TTC3: variants seen among roughly 807,000 people sequenced by gnomAD.
The protein encoded by TTC3 is tetratricopeptide repeat domain 3.
A neutral mutation model predicts 249.6 loss-of-function variants in TTC3; 180 were observed. The observed-to-expected ratio is 0.72, with a 90% CI of 0.64 to 0.82. TTC3 has a LOEUF of 0.82. Ranked by LOEUF, TTC3 falls within the 40% of genes least tolerant of loss-of-function variation. The probability of loss-of-function intolerance (pLI) is 0.00; values close to 1 mark genes in which losing one functional copy is unlikely to be tolerated. For missense variants in TTC3, 2,061 were observed against 2,398.4 expected (o/e 0.86, Z 2.94); for synonymous variants, 717 against 805.0 (o/e 0.89, Z 1.85).
intron 20 of TTC3, among the ~76,000 whole-genome samples, chr21:37,141,884 A>T (rs1246742622): frequency 6.6e-6 from 1 of 152,224 alleles, no homozygotes; most frequent in Non-Finnish European, 1.5e-5. Flanking sequence ...CCAGCAGCAC[A>T]TCAAAAAGCT....
chr21:37,074,740 C>A (rs4817843), intron 1 of TTC3, among the ~76,000 whole-genome samples: 69,107 of 151,860 alleles, frequency 0.46, 16,240 homozygotes, highest in Non-Finnish European at 0.52. Flanking sequence ...CTTCAAACCC[C>A]TTAGAGACCC....
intron 41 of TTC3, among the ~76,000 whole-genome samples, chr21:37,194,146 A>T (rs1390490280): frequency 6.6e-6 from 1 of 152,238 alleles, no homozygotes; most frequent in Non-Finnish European, 1.5e-5. Context: ...TAGCTTCATT[A>T]GACCAGACAG....
chr21:37,080,690 T>A (rs1199707344), intron 1 of TTC3, among the ~76,000 whole-genome samples: 1 of 152,188 alleles, frequency 6.6e-6, no homozygotes, highest in Non-Finnish European at 1.5e-5. Flanking sequence ...GGCTCGAACC[T>A]TTACTATATT....
intron 24 of TTC3, 143 bp from the exon 25 acceptor site, chr21:37,150,677 C>G (rs1043063035): frequency 1.6e-6 from 1 of 642,478 alleles, no homozygotes; most frequent in South Asian, 1.9e-5. Flanking sequence ...GCTTTCTGGG[C>G]TTTTGTCTGG....
chr21:37,124,766 T>G, intron 14 of TTC3, 24 bp downstream of exon 14: 1 of 1,586,540 alleles, frequency 6.3e-7, no homozygotes, highest in Non-Finnish European at 8.5e-7. Context: ...AAAACTACAG[T>G]TTTTTTCAAG....
chr21:37,138,526 C>T (rs1032367785), intron 18 of TTC3, 108 bp from the exon 19 acceptor site: 4 of 670,106 alleles, frequency 6.0e-6, no homozygotes, highest in South Asian at 4.6e-5. Flanking sequence ...ATCATTGATT[C>T]GTAAGATTGA....
At chr21:37,094,355 T>G (rs539644142) in intron 8 of TTC3, among the ~76,000 whole-genome samples, 1 of 152,336 alleles carries the variant, frequency 6.6e-6, no homozygotes, top group Admixed American at 6.5e-5. Context: ...GTAATTCATG[T>G]GCTACACTGT....
intron 1 of TTC3, chr21:37,083,499 A>C (rs2071989169): frequency 2.9e-6 from 2 of 678,490 alleles, no homozygotes; most frequent in Non-Finnish European, 1.8e-6. Flanking sequence ...CTGGGCATGA[A>C]GAAGTATATG....
intron 11 of TTC3, among the ~76,000 whole-genome samples, chr21:37,114,321 T>A (rs930540219): frequency 1.1e-4 from 16 of 151,758 alleles, no homozygotes; most frequent in East Asian, 5.8e-4. Context: ...GAATCTACAA[T>A]GAACTCAAAC....
Position 37,197,533 on chromosome 21 carries a change from CTT to C in TTC3, c.5580-35_5580-34del, listed in dbSNP as rs762099877. On this transcript the variant is annotated intron_variant, in intron 42 of 45. Transcript: ENST00000355666. ...TGTAATATTTCTTAGCAGTAGAGAA[CTT>C]TCTGTTGTCATTCATCACTCACTCT... 3 of 1,611,232 alleles carry C rather than the reference CTT, an allele frequency of 1.9e-6. No individual in the cohort carries two copies. In the East Asian group the frequency reaches 6.7e-5, roughly 36 times the overall value.
chr21:37,195,770 C>G, exon 42 of TTC3: 1 of 1,614,214 alleles, frequency 6.2e-7, no homozygotes, highest in Non-Finnish European at 8.5e-7. Flanking sequence ...CAGCACTTCA[C>G]AGGGATCCTA....
chr21:37,101,918 T>TTATATATA (rs61552508), intron 10 of TTC3, among the ~76,000 whole-genome samples: 1 of 147,392 alleles, frequency 6.8e-6, no homozygotes, highest in African/African-American at 2.5e-5. Context: ...AGTATATAGT[T>TTATATATA]TATATATATA....
intron 40 of TTC3, among the ~76,000 whole-genome samples, chr21:37,191,745 A>ATTTTGT (rs1389663282): frequency 1.3e-5 from 2 of 151,996 alleles, no homozygotes; most frequent in Non-Finnish European, 2.9e-5. Context: ...TGCTCGGCTA[A>ATTTTGT]TTTTGTTTTT....
chr21:37,201,532 G>T, exon 46 of TTC3: 2 of 1,614,008 alleles, frequency 1.2e-6, no homozygotes, highest in Non-Finnish European at 8.5e-7. Context: ...GAAGAGGCTG[G>T]CCCAGTCAGA....
intron 16 of TTC3, among the ~76,000 whole-genome samples, chr21:37,131,448 C>A (rs1315023406): frequency 1.3e-5 from 2 of 152,194 alleles, no homozygotes; most frequent in South Asian, 2.1e-4. Flanking sequence ...GAGAAAGTGG[C>A]ATGCCCAAGG....
intron 1 of TTC3, chr21:37,082,485 T>C: frequency 2.0e-6 from 2 of 985,414 alleles, no homozygotes; most frequent in Non-Finnish European, 2.4e-6. Context: ...TTCTATCAGC[T>C]TTGTCTGGGA....
At chr21:37,165,068 A>G (rs1178498157) in intron 32 of TTC3, among the ~76,000 whole-genome samples, 1 of 152,210 alleles carries the variant, frequency 6.6e-6, no homozygotes, top group Non-Finnish European at 1.5e-5. Flanking sequence ...TTATACTATT[A>G]TTTCTTAAAG....
At position 37,105,207 on chromosome 21, in the gene TTC3, C is replaced by T. The variant is rs117688535; in HGVS notation, c.846-3185C>T. Among the ~76,000 whole-genome samples the T allele has an allele frequency of 4.3e-3, 657 of 152,166 alleles. 2 individuals carry two copies. Among genetic ancestry groups the T allele is most frequent in the Non-Finnish European group, 6.6e-3 (447 of 68,014 alleles). On this transcript the variant is annotated intron_variant, in intron 10 of 45. Transcript: ENST00000355666. ...TGTCAGTGGGAAGCTTGAAACATGC[C>T]AATTAGATGGGGTTGAGAAATGCAA...
intron 11 of TTC3, among the ~76,000 whole-genome samples, chr21:37,111,668 G>A (rs558793872): frequency 6.6e-6 from 1 of 152,238 alleles, no homozygotes; most frequent in East Asian, 1.9e-4. Context: ...AGGATATCCA[G>A]GAATTGAACT....
Sources: gnomAD v4.1 joint callset for allele counts (sites outside exome capture counted in the v4.1 genomes callset) on GRCh38, gnomAD v4.1.1 for gene constraint, MANE v1.5 for transcripts, NCBI Gene and HGNC (gene_info 2026-07-23, HGNC 2026-07-21) for gene names.